SUCLG2: variants seen among roughly 807,000 people sequenced by gnomAD.
SUCLG2 encodes succinate--CoA ligase [GDP-forming] subunit beta, mitochondrial.
Under a neutral mutation model 47.9 loss-of-function variants are expected in SUCLG2, and 42 were observed. The ratio of observed to expected loss-of-function variants is 0.88; its 90% CI spans 0.69 to 1.14. SUCLG2 has a LOEUF of 1.14. Among genes scored for constraint, SUCLG2 ranks in the 50% most tolerant of loss-of-function variants. SUCLG2 has a pLI of 0.00. For synonymous variants in SUCLG2, 195 were observed against 197.3 expected, an observed-to-expected ratio of 0.99 and a Z score of 0.10; for missense variants, 571 against 525.9, an observed-to-expected ratio of 1.09 and a Z score of -0.84.
chr3:67,389,105 T>A (rs1702321297), intron 10 of SUCLG2, among the ~76,000 whole-genome samples: 1 of 151,946 alleles, frequency 6.6e-6, no homozygotes, highest in South Asian at 2.1e-4. Context: ...ACCGAGTCAA[T>A]GACATTAGGC....
At chr3:67,397,391 C>T (rs1259078588) in intron 10 of SUCLG2, among the ~76,000 whole-genome samples, 2 of 151,674 alleles carry the variant, frequency 1.3e-5, no homozygotes, top group Non-Finnish European at 2.9e-5. Context: ...AGACAGAGAG[C>T]CAAATCATGA....
At chr3:67,517,055 G>T (rs1705963879) in intron 6 of SUCLG2, among the ~76,000 whole-genome samples, 2 of 152,096 alleles carry the variant, frequency 1.3e-5, no homozygotes, top group South Asian at 4.1e-4. Context: ...CTCAGAAATG[G>T]CAATTAGTTC....
chr3:67,564,879 A>T (rs1707410283), intron 2 of SUCLG2, among the ~76,000 whole-genome samples: 2 of 152,246 alleles, frequency 1.3e-5, no homozygotes, highest in African/African-American at 2.4e-5. Flanking sequence ...AATTAAAATA[A>T]GCCTTTCGTG....
intron 9 of SUCLG2, among the ~76,000 whole-genome samples, chr3:67,459,941 C>T (rs187819425): frequency 2.7e-4 from 41 of 152,134 alleles, no homozygotes; most frequent in Admixed American, 6.5e-4. Flanking sequence ...GAAAAGGGCT[C>T]CCTTCCCAGC....
intron 9 of SUCLG2, among the ~76,000 whole-genome samples, chr3:67,472,609 T>C (rs1192800278): frequency 6.6e-6 from 1 of 152,208 alleles, no homozygotes; most frequent in Non-Finnish European, 1.5e-5. Context: ...TACTTGTTAA[T>C]AGGTTTTTAT....
chr3:67,491,841 G>A (rs1230809907), intron 9 of SUCLG2, among the ~76,000 whole-genome samples: 1 of 152,140 alleles, frequency 6.6e-6, no homozygotes, highest in Non-Finnish European at 1.5e-5. Context: ...AAGTGTGCGT[G>A]TGTGTCTCAA....
chr3:67,568,895 T>C (rs571804585), intron 2 of SUCLG2, among the ~76,000 whole-genome samples: 1 of 151,868 alleles, frequency 6.6e-6, no homozygotes, highest in African/African-American at 2.4e-5. Flanking sequence ...TCAAAAAAAA[T>C]AAAATAAAAT....
At chr3:67,495,105 A>T (rs540262456) in intron 9 of SUCLG2, among the ~76,000 whole-genome samples, 2 of 152,188 alleles carry the variant, frequency 1.3e-5, no homozygotes, top group Non-Finnish European at 2.9e-5. Flanking sequence ...AAAATTTTCC[A>T]ATATATGGTA....
chr3:67,467,572 G>C (rs1162160268), intron 9 of SUCLG2, among the ~76,000 whole-genome samples: 2 of 152,088 alleles, frequency 1.3e-5, no homozygotes, highest in Non-Finnish European at 2.9e-5. Flanking sequence ...GTATAGGATA[G>C]GATATCCTTT....
Position 67,632,855 on chromosome 3 carries a change from T to C in SUCLG2, c.84+21648A>G, listed in dbSNP as rs189914913. 7.2e-4 allele frequency among the ~76,000 whole-genome samples: 110 copies of C among 152,300 alleles called. 1 individual carries two copies. Among genetic ancestry groups the C allele is most frequent in the African/African-American group, 2.6e-3 (109 of 41,552 alleles). On this transcript the variant is annotated intron_variant, in intron 1 of 10. Transcript: ENST00000307227. ...AGGTTATCATGTGTAATCAATGAGA[T>C]CCTGCTTTTGAGGATACATTACAGT... is the stretch of plus-strand genomic sequence containing the variant.
chr3:67,551,793 C>G (rs1372743562), intron 2 of SUCLG2, among the ~76,000 whole-genome samples: 1 of 152,152 alleles, frequency 6.6e-6, no homozygotes, highest in African/African-American at 2.4e-5. Context: ...GCACCAGGAG[C>G]TATTCAAAGG....
chr3:67,405,706 A>C (rs899509561), intron 9 of SUCLG2, among the ~76,000 whole-genome samples: 2 of 152,158 alleles, frequency 1.3e-5, no homozygotes, highest in African/African-American at 4.8e-5. Context: ...AGGAATAGTG[A>C]ATTCTTCGCA....
chr3:67,494,312 C>A (rs1181511378), intron 9 of SUCLG2, among the ~76,000 whole-genome samples: 2 of 152,148 alleles, frequency 1.3e-5, no homozygotes, highest in East Asian at 3.8e-4. Context: ...ATATTAGATA[C>A]TCTAACAATA....
intron 2 of SUCLG2, among the ~76,000 whole-genome samples, chr3:67,606,320 A>C (rs770022087): frequency 1.6e-4 from 24 of 152,232 alleles, no homozygotes; most frequent in South Asian, 4.1e-4. Flanking sequence ...TAGCTCACTA[A>C]GTGCATATCT....
chr3:67,431,864 A>G (rs1703493379), intron 9 of SUCLG2, among the ~76,000 whole-genome samples: 1 of 152,218 alleles, frequency 6.6e-6, no homozygotes, highest in Non-Finnish European at 1.5e-5. Context: ...GTGCACATGT[A>G]CCCTAGAACT....
intron 9 of SUCLG2, among the ~76,000 whole-genome samples, chr3:67,431,256 A>T (rs9868494): frequency 3.3e-5 from 5 of 151,986 alleles, no homozygotes; most frequent in Admixed American, 2.0e-4. Context: ...TTATCCACCA[A>T]GATCAAGTCA....
At chr3:67,428,633 C>T (rs923483596) in intron 9 of SUCLG2, among the ~76,000 whole-genome samples, 3 of 152,122 alleles carry the variant, frequency 2.0e-5, no homozygotes, top group African/African-American at 2.4e-5. Context: ...TTCAGACGAT[C>T]GGTAATAACA....
At chr3:67,482,465 T>C (rs535768032) in intron 9 of SUCLG2, among the ~76,000 whole-genome samples, 8 of 73,492 alleles carry the variant, frequency 1.1e-4, no homozygotes, top group African/African-American at 4.2e-4. Context: ...CATGTTTCTA[T>C]ACTTTTGTAT....
At chr3:67,362,469 C>A (rs559080934) in intron 10 of SUCLG2, among the ~76,000 whole-genome samples, 2 of 152,232 alleles carry the variant, frequency 1.3e-5, no homozygotes, top group East Asian at 3.9e-4. Context: ...TACTTTATAT[C>A]AGAGAACTTT....
Sources: gnomAD v4.1 joint callset for allele counts (sites outside exome capture counted in the v4.1 genomes callset) on GRCh38, gnomAD v4.1.1 for gene constraint, MANE v1.5 for transcripts, NCBI Gene and HGNC (gene_info 2026-07-23, HGNC 2026-07-21) for gene names.